CBFA2T3: variants seen among roughly 807,000 people sequenced by gnomAD.
CBFA2T3 encodes CBFA2/RUNX1 partner transcriptional co-repressor 3.
In CBFA2T3, 31 loss-of-function variants were observed where a neutral mutation model predicts 58.6. The observed-to-expected ratio is 0.53, with a 90% CI of 0.40 to 0.71. The LOEUF is 0.71. Among genes scored for constraint, CBFA2T3 ranks in the 30% least tolerant of loss-of-function variants. The pLI is 0.00. For missense variants in CBFA2T3, 1,076 were observed against 963.1 expected (o/e 1.12, Z -1.55); for synonymous variants, 531 against 421.9 (o/e 1.26, Z -3.17).
At chr16:88,969,337 A>G (rs556292842) in intron 1 of CBFA2T3, among the ~76,000 whole-genome samples, 14 of 152,308 alleles carry the variant, frequency 9.2e-5, no homozygotes, top group Middle Eastern at 3.4e-3. Context: ...TGAATTCTCC[A>G]GTTCCTTCTC....
intron 1 of CBFA2T3, among the ~76,000 whole-genome samples, chr16:88,918,024 C>T (rs1026765814): frequency 1.3e-5 from 2 of 152,170 alleles, no homozygotes; most frequent in Non-Finnish European, 2.9e-5. Flanking sequence ...GAGTGGACAG[C>T]CTGGGCTGGC....
intron 1 of CBFA2T3, among the ~76,000 whole-genome samples, chr16:88,959,417 G>GT (rs1972307580): frequency 6.6e-6 from 1 of 152,204 alleles, no homozygotes; most frequent in Non-Finnish European, 1.5e-5. Flanking sequence ...CTGGAGGCAC[G>GT]TGGGTGTTCA....
Position 88,976,689 on chromosome 16 carries a change from G to A in CBFA2T3, c.119C>T (p.Ser40Phe), listed in dbSNP as rs746325762. ...ESGLLASAGC[S>F]APRGPRKGGP... ...GCCCTTCCTGGGACCCCGGGGTGCGGAGCAGCCGGCAGATGCCAGGAGGCC... is the reference window on the plus strand; with the variant it reads ...GCCCTTCCTGGGACCCCGGGGTGCGAAGCAGCCGGCAGATGCCAGGAGGCC... Residue 40 changes from serine (S) to phenylalanine (F), a missense_variant, in exon 1 of 12, where the codon TCC becomes TTC. Coordinates refer to ENST00000268679, the MANE Select transcript of CBFA2T3 (RefSeq NM_005187.6). The A allele has an allele frequency of 3.8e-6, 6 of 1,562,506 alleles. No homozygotes were observed. The highest frequency in any genetic ancestry group is 5.2e-6 in the Non-Finnish European group (6 of 1,153,522).
rs1968847746 is a variant in CBFA2T3 at position 88,876,810 on chromosome 16, C to T, written c.*166G>A. ...GTTTTGTTGGTTCTGTGTCTTCTTTCGGAGAGGGGCAGTAGCAGCAGTGAC... is the reference window on the plus strand; with the variant it reads ...GTTTTGTTGGTTCTGTGTCTTCTTTTGGAGAGGGGCAGTAGCAGCAGTGAC... On this transcript the variant is annotated 3_prime_UTR_variant, in exon 12 of 12. Transcript: ENST00000268679. 1 of 536,482 alleles carries T rather than the reference C, an allele frequency of 1.9e-6. No individual in the cohort carries two copies. Among genetic ancestry groups the T allele is most frequent in the Non-Finnish European group, 3.1e-6 (1 of 318,672 alleles). The allele number at this position is 536,482 out of a possible 1,614,324, so 33.2% of individuals were successfully genotyped here.
rs1318724545 is a variant in CBFA2T3 at position 88,958,726 on chromosome 16, T to C, written c.151+17931A>G. On this transcript the variant is annotated intron_variant, in intron 1 of 11. Transcript: ENST00000268679. This position sits in a 1 kb window ranked among gnomAD's most constrained non-coding sequence, Gnocchi z 4.0. ...CCTCGGTGTGGCCTTTGGAAGGAGATGAACTTGCTCTCCCAGGGCTGGGGC... is the reference window on the plus strand; with the variant it reads ...CCTCGGTGTGGCCTTTGGAAGGAGACGAACTTGCTCTCCCAGGGCTGGGGC... 6.6e-6 allele frequency among the ~76,000 whole-genome samples: 1 copy of C among 151,532 alleles called. No homozygotes were observed. Among genetic ancestry groups the C allele is most frequent in the Non-Finnish European group, 1.5e-5 (1 of 67,810 alleles).
intron 1 of CBFA2T3, among the ~76,000 whole-genome samples, chr16:88,908,089 C>A (rs758805374): frequency 1.3e-5 from 2 of 152,230 alleles, no homozygotes; most frequent in Non-Finnish European, 2.9e-5. Context: ...CACCTGTCAT[C>A]CCAGCACTTT....
chr16:88,941,863 G>T (rs1310012927), intron 1 of CBFA2T3: 11 of 148,524 alleles, frequency 7.4e-5, no homozygotes, highest in African/African-American at 2.7e-4. Context: ...GGGGGTGTGG[G>T]GGGGGTGGGG....
chr16:88,910,999 A>C (rs1326846531), intron 1 of CBFA2T3, among the ~76,000 whole-genome samples: 1 of 152,184 alleles, frequency 6.6e-6, no homozygotes, highest in Non-Finnish European at 1.5e-5. Context: ...GCTTGTATCC[A>C]GCCTTCCTGC....
At chr16:88,949,267 T>C (rs779458396) in intron 1 of CBFA2T3, among the ~76,000 whole-genome samples, 1 of 152,110 alleles carries the variant, frequency 6.6e-6, no homozygotes. Flanking sequence ...CGATAAGAGA[T>C]GGGTTGGGAG....
At chr16:88,880,287 G>A (rs1474073552) in intron 10 of CBFA2T3, among the ~76,000 whole-genome samples, 3 of 152,004 alleles carry the variant, frequency 2.0e-5, no homozygotes, top group Non-Finnish European at 4.4e-5. Context: ...ATCTGGCTCT[G>A]CCCCAGCCCC....
intron 1 of CBFA2T3, among the ~76,000 whole-genome samples, chr16:88,944,654 C>G (rs1350201088): frequency 6.6e-6 from 1 of 152,250 alleles, no homozygotes; most frequent in Non-Finnish European, 1.5e-5. Context: ...TGATTTCCCT[C>G]TCAACCACCC....
In CBFA2T3 at chr16:88,892,471, T is replaced by C. The variant is rs1567585640; in HGVS notation, c.394A>G (p.Ser132Gly). ...SMVCLLMNGS[S>G]HSPTAINGAP... Reference sequence around the variant, plus strand: ...CCATTGATGGCTGTTGGTGAGTGGCTGCTGCCGTTCATCACTGCAGGAGGG... The same window carrying C: ...CCATTGATGGCTGTTGGTGAGTGGCCGCTGCCGTTCATCACTGCAGGAGGG... Residue 132 changes from serine (S) to glycine (G), a missense_variant, in exon 4 of 12, where the codon AGC becomes GGC. Ser to Gly is a moderately conservative substitution (Grantham distance 56). Transcript: ENST00000268679. 6.2e-7 allele frequency: 1 copy of C among 1,612,768 alleles called. No homozygotes were observed. The highest frequency in any genetic ancestry group is 2.2e-5 in the East Asian group (1 of 44,884).
rs779996999 is a variant in CBFA2T3 at position 88,892,372 on chromosome 16, G to C, written c.493C>G (p.Leu165Val). ...TGCCGGGCCCCGCAGGCTGGGGGCA[G>C]GTGCTGTGTGGACAAGGAGGCTGTG... ...SSTASLSTQH[L>V]PPACGARQLS... Residue 165 changes from leucine (L) to valine (V), a missense_variant, in exon 4 of 12, where the codon CTG (leucine) becomes GTG (valine). Coordinates refer to ENST00000268679, the MANE Select transcript of CBFA2T3 (RefSeq NM_005187.6). 1 of 1,613,534 alleles carries C rather than the reference G, an allele frequency of 6.2e-7. No individual in the cohort carries two copies. The highest frequency in any genetic ancestry group is 2.2e-5 in the East Asian group (1 of 44,874).
intron 9 of CBFA2T3, 22 bp from the exon 10 acceptor site, chr16:88,880,810 C>T: frequency 6.4e-7 from 1 of 1,568,646 alleles, no homozygotes; most frequent in Non-Finnish European, 8.6e-7. Flanking sequence ...GCCGGCGTCA[C>T]ACAGGATGGG....
At position 88,874,873 on chromosome 16, in the gene CBFA2T3, T is replaced by C. The variant is rs151028067; in HGVS notation, c.*2103A>G. ...CGCAAACTCCTGCGGTTTCTGTTTT[T>C]TATTTGGCAAACATCTCGTTTATTA... On this transcript the variant is annotated 3_prime_UTR_variant, in exon 12 of 12. Transcript: ENST00000268679. The C allele has an allele frequency of 1.2e-3, 277 of 230,776 alleles. 1 individual carries two copies. Among genetic ancestry groups the C allele is most frequent in the Admixed American group, 1.9e-3 (33 of 17,688 alleles). 14.3% of individuals were successfully genotyped at this position (230,776 alleles called of 1,614,324 possible).
intron 1 of CBFA2T3, among the ~76,000 whole-genome samples, chr16:88,970,973 A>G (rs1972641129): frequency 6.6e-6 from 1 of 151,968 alleles, no homozygotes; most frequent in African/African-American, 2.4e-5. Context: ...TAGCACAGGC[A>G]CGGGCTCGGG....
chr16:88,896,229 G>C (rs930192555), intron 3 of CBFA2T3, among the ~76,000 whole-genome samples: 4 of 152,138 alleles, frequency 2.6e-5, no homozygotes, highest in East Asian at 1.9e-4. Flanking sequence ...CCTACGGGGG[G>C]GCTGCAGGAT....
chr16:88,957,209 T>A (rs12925992), intron 1 of CBFA2T3, among the ~76,000 whole-genome samples: 5,630 of 152,232 alleles, frequency 0.037, 192 homozygotes, highest in African/African-American at 0.085. Flanking sequence ...GCATCTTCCC[T>A]CTCACCAAAT....
Position 88,905,924 on chromosome 16 carries a change from G to A in CBFA2T3, c.152-4268C>T, listed in dbSNP as rs557672787. Among the ~76,000 whole-genome samples the A allele has an allele frequency of 2.0e-5, 3 of 149,712 alleles. No individual in the cohort carries two copies. The South Asian group carries it at 6.2e-4, about 31-fold the overall frequency. On this transcript the variant is annotated intron_variant, in intron 1 of 11. Transcript: ENST00000268679. ...ACACCCATTTCCTTGGCGCTGGCTG[G>A]GCAGGGAGGCACCGTGGGTCCACCC...
Sources: allele counts gnomAD v4.1 joint callset (sites outside exome capture counted in the v4.1 genomes callset), GRCh38; gene constraint gnomAD v4.1.1; non-coding constraint Gnocchi (gnomAD v3.1); transcripts MANE v1.5; gene names NCBI Gene and HGNC (gene_info 2026-07-23, HGNC 2026-07-21).